RBKS: variants seen among roughly 807,000 people sequenced by gnomAD.
RBKS encodes ribokinase.
A neutral mutation model predicts 33.9 loss-of-function variants in RBKS; 33 were observed. The observed-to-expected ratio is 0.97, with a 90% CI of 0.74 to 1.30. The LOEUF (loss-of-function observed/expected upper bound fraction) is 1.30. RBKS is among the 50% of genes most tolerant of loss of function. The pLI, the probability that RBKS is intolerant of heterozygous loss-of-function variation, is 0.00. For missense variants in RBKS, 361 were observed against 392.6 expected (o/e 0.92, Z 0.68); for synonymous variants, 125 against 143.0 (o/e 0.87, Z 0.90).
At chr2:27,790,445 T>A (rs982677815) in intron 7 of RBKS, among the ~76,000 whole-genome samples, 1 of 152,080 alleles carries the variant, frequency 6.6e-6, no homozygotes, top group Non-Finnish European at 1.5e-5. Context: ...CCTGATAAAC[T>A]GAAATTTATC....
At chr2:27,791,968 A>G (rs1677535669) in intron 7 of RBKS, among the ~76,000 whole-genome samples, 1 of 152,170 alleles carries the variant, frequency 6.6e-6, no homozygotes. Context: ...TATTGTATAA[A>G]AATTATATCT....
chr2:27,835,853 A>G (rs1007695047), intron 5 of RBKS, among the ~76,000 whole-genome samples: 9 of 152,202 alleles, frequency 5.9e-5, no homozygotes, highest in Non-Finnish European at 1.3e-4. Flanking sequence ...CATTAGTTAT[A>G]AAAAGCTGAT....
intron 7 of RBKS, 142 bp downstream of exon 7, chr2:27,827,425 C>T (rs1395874970): frequency 1.5e-6 from 1 of 653,328 alleles, no homozygotes; most frequent in Non-Finnish European, 2.4e-6. Context: ...AATACAGTTC[C>T]CCTGCCTGGT....
chr2:27,872,478 C>T (rs1442763085), intron 1 of RBKS, among the ~76,000 whole-genome samples: 1 of 151,884 alleles, frequency 6.6e-6, no homozygotes. Flanking sequence ...GCAACTAAAA[C>T]AAACCTGGAT....
At chr2:27,860,919 T>C (rs141699401) in intron 1 of RBKS, among the ~76,000 whole-genome samples, 2 of 152,318 alleles carry the variant, frequency 1.3e-5, no homozygotes, top group African/African-American at 4.8e-5. Flanking sequence ...TATTTGCTGA[T>C]TGAACAGATT....
chr2:27,801,525 A>G (rs868801078), intron 7 of RBKS, among the ~76,000 whole-genome samples: 3 of 149,696 alleles, frequency 2.0e-5, no homozygotes, highest in Non-Finnish European at 4.4e-5. Context: ...CCAACTTATG[A>G]TGGTTCGACT....
At chr2:27,798,697 G>C (rs1677710912) in intron 7 of RBKS, among the ~76,000 whole-genome samples, 1 of 152,118 alleles carries the variant, frequency 6.6e-6, no homozygotes, top group Non-Finnish European at 1.5e-5. Flanking sequence ...CATGGCACAC[G>C]AGGTTCCCTA....
intron 7 of RBKS, among the ~76,000 whole-genome samples, chr2:27,824,174 G>A (rs1035780684): frequency 6.6e-6 from 1 of 152,134 alleles, no homozygotes; most frequent in African/African-American, 2.4e-5. Context: ...TTAGTAGTAT[G>A]TTTTCAAGGT....
chr2:27,801,406 G>T (rs1013882358), intron 7 of RBKS, among the ~76,000 whole-genome samples: 29 of 151,420 alleles, frequency 1.9e-4, no homozygotes, highest in Non-Finnish European at 4.1e-4. Flanking sequence ...CATTCTTGGT[G>T]GCAGTGCGTG....
chr2:27,866,933 G>T (rs1205527293), intron 1 of RBKS, among the ~76,000 whole-genome samples: 1 of 151,948 alleles, frequency 6.6e-6, no homozygotes, highest in East Asian at 1.9e-4. Flanking sequence ...GTGAGACCTT[G>T]TCTCTACAAA....
At chr2:27,860,261 A>T (rs915029564) in intron 1 of RBKS, among the ~76,000 whole-genome samples, 1 of 152,224 alleles carries the variant, frequency 6.6e-6, no homozygotes, top group Non-Finnish European at 1.5e-5. Flanking sequence ...AGTGATGATG[A>T]GATTTTGATT....
At chr2:27,831,700 G>C (rs967200728) in intron 6 of RBKS, among the ~76,000 whole-genome samples, 1 of 152,114 alleles carries the variant, frequency 6.6e-6, no homozygotes, top group African/African-American at 2.4e-5. Flanking sequence ...CAGTACTTTG[G>C]GAGGCTTGAT....
intron 2 of RBKS, among the ~76,000 whole-genome samples, chr2:27,849,436 G>A (rs901740629): frequency 5.3e-5 from 8 of 151,172 alleles, no homozygotes; most frequent in South Asian, 2.1e-4. Context: ...GGTGGCGCAC[G>A]CCTGTAGTCC....
chr2:27,850,375 G>A (rs182637976), intron 2 of RBKS, among the ~76,000 whole-genome samples: 56 of 152,166 alleles, frequency 3.7e-4, no homozygotes, highest in Non-Finnish European at 3.5e-4. Flanking sequence ...CCTTGGTGTC[G>A]GATATTCTAT....
At chr2:27,842,631 C>T (rs1040073282) in intron 5 of RBKS, among the ~76,000 whole-genome samples, 12 of 151,960 alleles carry the variant, frequency 7.9e-5, no homozygotes, top group Admixed American at 7.9e-4. Context: ...CTAGAGTGTA[C>T]CTTGGACAAG....
At chr2:27,851,921 A>G in intron 2 of RBKS, among the ~76,000 whole-genome samples, 1 of 152,220 alleles carries the variant, frequency 6.6e-6, no homozygotes. Flanking sequence ...TGTTTCCAAC[A>G]GCCTCCTTGA....
intron 1 of RBKS, among the ~76,000 whole-genome samples, chr2:27,863,687 G>C (rs1664032949): frequency 6.6e-6 from 1 of 152,172 alleles, no homozygotes; most frequent in African/African-American, 2.4e-5. Flanking sequence ...TTCTCCTTTT[G>C]GCTGCAAGCT....
At chr2:27,889,687 T>G (rs1664665049) in intron 1 of RBKS, among the ~76,000 whole-genome samples, 1 of 152,236 alleles carries the variant, frequency 6.6e-6, no homozygotes, top group Admixed American at 6.5e-5. Flanking sequence ...CTTGGCTTGC[T>G]GAAAAATACG....
intron 1 of RBKS, among the ~76,000 whole-genome samples, chr2:27,889,475 T>C (rs1485440432): frequency 6.6e-6 from 1 of 152,200 alleles, no homozygotes; most frequent in Non-Finnish European, 1.5e-5. Context: ...CTGAATTTAT[T>C]ACTAATTTTA....
Sources: gnomAD v4.1 joint callset for allele counts (sites outside exome capture counted in the v4.1 genomes callset) on GRCh38, gnomAD v4.1.1 for gene constraint, MANE v1.5 for transcripts, NCBI Gene and HGNC (gene_info 2026-07-23, HGNC 2026-07-21) for gene names.